BABAM2: variants seen among roughly 807,000 people sequenced by gnomAD.
BABAM2 encodes BRISC and BRCA1-A complex member 2.
A neutral mutation model predicts 54.7 loss-of-function variants in BABAM2; 31 were observed. That is an observed-to-expected ratio of 0.57 (90% CI 0.43 to 0.77). The LOEUF (loss-of-function observed/expected upper bound fraction) is 0.77, where lower values mean the gene tolerates loss of function less well. Ranked by LOEUF, BABAM2 falls within the 30% of genes least tolerant of loss-of-function variation. The pLI, the probability that BABAM2 is intolerant of heterozygous loss-of-function variation, is 0.00. For missense variants in BABAM2, 364 were observed against 455.8 expected (o/e 0.80, Z 1.83); for synonymous variants, 167 against 162.9 (o/e 1.03, Z -0.19).
chr2:28,258,891 C>T (rs1684233041), intron 10 of BABAM2, among the ~76,000 whole-genome samples: 1 of 151,732 alleles, frequency 6.6e-6, no homozygotes, highest in Non-Finnish European at 1.5e-5. Context: ...GTTCTCCTGC[C>T]TCAGCCTCCC....
intron 7 of BABAM2, among the ~76,000 whole-genome samples, chr2:28,176,371 A>AC (rs1454800577): frequency 6.6e-6 from 1 of 151,894 alleles, no homozygotes; most frequent in African/African-American, 2.4e-5. Flanking sequence ...GGAGTTTGAA[A>AC]CCAGCCTGGC....
At chr2:28,176,568 T>TAAAAAAAAAA (rs1674973519) in intron 7 of BABAM2, among the ~76,000 whole-genome samples, 1 of 570 alleles carries the variant, frequency 1.8e-3, no homozygotes, top group Admixed American at 0.05. Context: ...AGACTCTATC[T>TAAAAAAAAAA]CAAAAAAAAA....
rs150979941 is a variant in BABAM2, at chr2:27,927,995, C to A, written c.129-1837C>A. On this transcript the variant is annotated intron_variant, in intron 2 of 11. Coordinates refer to ENST00000379624, the MANE Select transcript of BABAM2 (RefSeq NM_199191.3). ...AGTAGCTGGGATTACAGGTGCCTGC[C>A]ACCATGCCTGGTTATTTTTTTATTT... Among the ~76,000 whole-genome samples the A allele has an allele frequency of 7.6e-3, 1,161 of 152,062 alleles. 14 individuals are homozygous for A. The highest frequency in any genetic ancestry group is 0.013 in the Non-Finnish European group (886 of 67,968).
chr2:28,245,213 A>G (rs1162104814), intron 10 of BABAM2, among the ~76,000 whole-genome samples: 1 of 152,172 alleles, frequency 6.6e-6, no homozygotes, highest in East Asian at 1.9e-4. Flanking sequence ...ACAAAAAATT[A>G]TTGAATGCAA....
intron 7 of BABAM2, among the ~76,000 whole-genome samples, chr2:28,143,093 C>A (rs1200067546): frequency 6.6e-6 from 1 of 151,696 alleles, no homozygotes; most frequent in African/African-American, 2.4e-5. Flanking sequence ...CTGAAATGAT[C>A]ATCAGTAGGG....
intron 6 of BABAM2, among the ~76,000 whole-genome samples, chr2:28,122,826 T>A (rs1190635581): frequency 2.0e-5 from 3 of 151,346 alleles, no homozygotes; most frequent in Admixed American, 2.0e-4. Flanking sequence ...GAGCCTCAAT[T>A]GAGAATAGTT....
intron 3 of BABAM2, among the ~76,000 whole-genome samples, chr2:27,981,902 C>G (rs565313475): frequency 5.7e-4 from 87 of 152,188 alleles, no homozygotes; most frequent in African/African-American, 2.1e-3. Flanking sequence ...CAGATGGTAG[C>G]TCTATGTTTA....
intron 3 of BABAM2, among the ~76,000 whole-genome samples, chr2:27,937,890 T>C (rs1032572780): frequency 1.1e-4 from 16 of 152,224 alleles, no homozygotes; most frequent in Admixed American, 9.2e-4. Flanking sequence ...AGACCAATTG[T>C]GACGAGGCAT....
At chr2:28,251,638 A>G (rs1298168213) in intron 10 of BABAM2, among the ~76,000 whole-genome samples, 3 of 152,244 alleles carry the variant, frequency 2.0e-5, no homozygotes, top group Non-Finnish European at 4.4e-5. Flanking sequence ...TGGCTACTAC[A>G]TAAATCGGTA....
chr2:28,015,859 C>A, intron 4 of BABAM2: 1 of 716,062 alleles, frequency 1.4e-6, no homozygotes, highest in Non-Finnish European at 2.2e-6. Flanking sequence ...TTCTTCACTG[C>A]TTTTCCTCTT....
intron 10 of BABAM2, among the ~76,000 whole-genome samples, chr2:28,264,711 G>A (rs1450389834): frequency 6.6e-6 from 1 of 152,016 alleles, no homozygotes; most frequent in Non-Finnish European, 1.5e-5. Flanking sequence ...CTAACCAAGG[G>A]GACAAAATAC....
chr2:28,255,989 G>GT (rs111776430), intron 10 of BABAM2, among the ~76,000 whole-genome samples: 25 of 151,088 alleles, frequency 1.7e-4, no homozygotes, highest in East Asian at 1.6e-3. Context: ...TTTAACAGGT[G>GT]TTTTTTTTTG....
chr2:27,994,884 T>A (rs1464203811), intron 4 of BABAM2, among the ~76,000 whole-genome samples: 1 of 152,186 alleles, frequency 6.6e-6, no homozygotes, highest in East Asian at 1.9e-4. Context: ...ACTTTATTAG[T>A]TTATCAGTTA....
chr2:27,889,633 C>T (rs2148239585), upstream of BABAM2, among the ~76,000 whole-genome samples: 1 of 152,250 alleles, frequency 6.6e-6, no homozygotes. Flanking sequence ...TCATCGTTTT[C>T]AGAGGTTGTA....
intron 8 of BABAM2, among the ~76,000 whole-genome samples, chr2:28,238,628 G>T (rs1008587199): frequency 1.3e-5 from 2 of 152,192 alleles, no homozygotes; most frequent in African/African-American, 4.8e-5. Context: ...TGCAGGGGTT[G>T]CTTCTCATCA....
intron 4 of BABAM2, among the ~76,000 whole-genome samples, chr2:27,998,894 A>G (rs1381630813): frequency 6.6e-6 from 1 of 152,226 alleles, no homozygotes; most frequent in Non-Finnish European, 1.5e-5. Context: ...TAATATATGT[A>G]TAGCATTGAG....
At chr2:27,937,946 G>T (rs1380307969) in intron 3 of BABAM2, among the ~76,000 whole-genome samples, 1 of 152,050 alleles carries the variant, frequency 6.6e-6, no homozygotes, top group Non-Finnish European at 1.5e-5. Flanking sequence ...CCGATCTTAC[G>T]TTTAACTCTT....
At chr2:28,110,685 T>C (rs1219626018) in intron 6 of BABAM2, among the ~76,000 whole-genome samples, 3 of 152,008 alleles carry the variant, frequency 2.0e-5, no homozygotes, top group Admixed American at 6.6e-5. Flanking sequence ...AGATAGCTCT[T>C]TAGGATCCTG....
chr2:28,260,852 A>G lies in BABAM2; in HGVS notation c.934+15990A>G, dbSNP rs138941289. On this transcript the variant is annotated intron_variant, in intron 10 of 11. Coordinates refer to ENST00000379624, the MANE Select transcript of BABAM2 (RefSeq NM_199191.3). ...AGCAATGTTTTGTAGTTTTCAATAT[A>G]CAAGTCTTGCACATCTTTTGTTAAA... 6.0e-3 allele frequency among the ~76,000 whole-genome samples: 913 copies of G among 152,226 alleles called. 15 individuals are homozygous for G. Among genetic ancestry groups the G allele is most frequent in the African/African-American group, 0.021 (866 of 41,526 alleles).
Sources: gnomAD v4.1 joint callset for allele counts (sites outside exome capture counted in the v4.1 genomes callset) on GRCh38, gnomAD v4.1.1 for gene constraint, MANE v1.5 for transcripts, NCBI Gene and HGNC (gene_info 2026-07-23, HGNC 2026-07-21) for gene names.